The following TCHP variants were observed in gnomAD, a reference collection of about 807,000 sequenced individuals.
TCHP encodes the protein trichoplein keratin filament-binding protein.
Under a neutral mutation model 88.7 loss-of-function variants are expected in TCHP, and 81 were observed. The observed-to-expected ratio is 0.91, with a 90% CI of 0.76 to 1.10. The LOEUF is 1.10. Among genes scored for constraint, TCHP ranks in the 50% least tolerant of loss-of-function variants. The pLI, the probability that TCHP is intolerant of heterozygous loss-of-function variation, is 0.00. For synonymous variants in TCHP, 232 were observed against 232.5 expected, an observed-to-expected ratio of 1.00 and a Z score of 0.02; for missense variants, 641 against 632.1, an observed-to-expected ratio of 1.01 and a Z score of -0.15.
In TCHP at chr12:109,916,831, C is replaced by G. The variant is rs1045802; in HGVS notation, c.*208C>G. 3 of 567,298 alleles carry G rather than the reference C, an allele frequency of 5.3e-6. No individual in the cohort carries two copies. The highest frequency in any genetic ancestry group is 9.3e-6 in the Non-Finnish European group (3 of 321,794). The allele number at this position is 567,298 out of a possible 1,614,324, so 35.1% of individuals were successfully genotyped here. Reference sequence around the variant, plus strand: ...AGAGTCCCTTTCATGCCTTTCTTACCCAAGCAAGGGTCTTTGATGGGCACG... The same window carrying G: ...AGAGTCCCTTTCATGCCTTTCTTACGCAAGCAAGGGTCTTTGATGGGCACG... On this transcript the variant is annotated 3_prime_UTR_variant, in exon 13 of 13. Transcript: ENST00000405876.
At chr12:109,896,943 T>TAG (rs1164679337), upstream of TCHP, among the ~76,000 whole-genome samples, 20 of 151,966 alleles carry the variant, frequency 1.3e-4, no homozygotes, top group East Asian at 3.9e-4. Flanking sequence ...TAGATATAGA[T>TAG]ATATAGATAG....
At chr12:109,904,188 T>C in intron 3 of TCHP, 41 bp downstream of exon 3, 1 of 1,529,964 alleles carries the variant, frequency 6.5e-7, no homozygotes, top group South Asian at 1.2e-5. Context: ...GGAGCAGGAG[T>C]GTTCCCAGCC....
chr12:109,906,450 G>C, intron 4 of TCHP, 122 bp from the exon 5 acceptor site: 2 of 784,480 alleles, frequency 2.5e-6, no homozygotes, highest in South Asian at 3.2e-5. Context: ...GTGCCACTGA[G>C]TCCCCATGAA....
At chr12:109,902,762 C>G (rs546611984) in intron 1 of TCHP, among the ~76,000 whole-genome samples, 1 of 152,186 alleles carries the variant, frequency 6.6e-6, no homozygotes, top group Non-Finnish European at 1.5e-5. Flanking sequence ...GCGTGAGCCA[C>G]GGCAAATTTA....
At chr12:109,881,093 G>A in the TCHP span, among the ~76,000 whole-genome samples, 1 of 152,210 alleles carries the variant, frequency 6.6e-6, no homozygotes, top group Non-Finnish European at 1.5e-5. Context: ...GGTCCAGTCT[G>A]CCCTCAACAG....
intron 1 of TCHP, among the ~76,000 whole-genome samples, chr12:109,901,554 G>A (rs536831306): frequency 4.2e-4 from 64 of 152,280 alleles, no homozygotes; most frequent in African/African-American, 1.5e-3. Context: ...AACAAGCAAT[G>A]TACGAAGTTC....
chr12:109,886,073 C>T, the TCHP span, among the ~76,000 whole-genome samples: 4 of 152,242 alleles, frequency 2.6e-5, no homozygotes, highest in African/African-American at 4.8e-5. Context: ...ACTCATAAAA[C>T]CTTCCATTTA....
At chr12:109,892,810 C>G in the TCHP span, among the ~76,000 whole-genome samples, 1 of 152,176 alleles carries the variant, frequency 6.6e-6, no homozygotes, top group African/African-American at 2.4e-5. Context: ...AACTCATACT[C>G]CTAGAGACAC....
the TCHP span, among the ~76,000 whole-genome samples, chr12:109,883,932 C>G: frequency 6.6e-6 from 1 of 152,280 alleles, no homozygotes; most frequent in Admixed American, 6.5e-5. Flanking sequence ...TAGCTTGTGA[C>G]AGGGGCCAGG....
chr12:109,897,478 T>G (rs2086869236), upstream of TCHP, among the ~76,000 whole-genome samples: 1 of 150,060 alleles, frequency 6.7e-6, no homozygotes, highest in Admixed American at 6.6e-5. Flanking sequence ...GGAAAGGCCT[T>G]GCCCAAGAGG....
chr12:109,894,482 A>C, the TCHP span, among the ~76,000 whole-genome samples: 17 of 149,130 alleles, frequency 1.1e-4, no homozygotes, highest in African/African-American at 3.7e-4. Flanking sequence ...AAAGAAAAAA[A>C]AGGCCGGGTG....
the TCHP span, among the ~76,000 whole-genome samples, chr12:109,893,217 T>C: frequency 6.6e-6 from 1 of 151,928 alleles, no homozygotes; most frequent in Non-Finnish European, 1.5e-5. Flanking sequence ...TGGTCTCTAC[T>C]AAAAATACAA....
chr12:109,904,883 G>T (rs976729841), intron 4 of TCHP, 90 bp downstream of exon 4: 2 of 1,246,612 alleles, frequency 1.6e-6, no homozygotes, highest in Non-Finnish European at 2.3e-6. Context: ...CTTGTACCGG[G>T]TTGAAACAGA....
intron 4 of TCHP, 118 bp from the exon 5 acceptor site, chr12:109,906,454 C>A: frequency 3.6e-6 from 3 of 835,432 alleles, no homozygotes; most frequent in Non-Finnish European, 3.9e-6. Context: ...CACTGAGTCC[C>A]CATGAAGCGA....
At chr12:109,890,134 G>A in the TCHP span, among the ~76,000 whole-genome samples, 1 of 152,200 alleles carries the variant, frequency 6.6e-6, no homozygotes, top group Admixed American at 6.5e-5. Flanking sequence ...GGCAGCCTCA[G>A]GGGCTGAGAG....
chr12:109,890,922 C>G, the TCHP span, among the ~76,000 whole-genome samples: 2 of 152,236 alleles, frequency 1.3e-5, no homozygotes, highest in Non-Finnish European at 2.9e-5. Context: ...AGCTCACAGA[C>G]TGGTGGTGTT....
chr12:109,887,408 TCAAAAAAAAAAAAA>T, the TCHP span, among the ~76,000 whole-genome samples: 1 of 116,392 alleles, frequency 8.6e-6, no homozygotes, highest in African/African-American at 4.2e-5. Flanking sequence ...AGGCTCTGTC[TCAAAAAAAAAAAAA>T]CAAAAAAAAA....
intron 11 of TCHP, 53 bp downstream of exon 11, chr12:109,914,680 C>T: frequency 6.7e-7 from 1 of 1,490,658 alleles, no homozygotes; most frequent in Non-Finnish European, 9.2e-7. Context: ...TTCTCTGCAT[C>T]ATCATGGGAC....
rs949376270 is a variant in TCHP at position 109,903,860 on chromosome 12, T to A, written c.189-77T>A. The A allele has an allele frequency of 4.0e-6, 5 of 1,253,628 alleles. No homozygotes were observed. The highest frequency in any genetic ancestry group is 3.9e-5 in the South Asian group (3 of 77,322). The allele number at this position is 1,253,628 out of a possible 1,614,324, so 77.7% of individuals were successfully genotyped here. ...TCATGACACATCTACCTCAGCCTCTTTTACCGACACAGCAGAGCAGAGCAC... is the reference window on the plus strand; with the variant it reads ...TCATGACACATCTACCTCAGCCTCTATTACCGACACAGCAGAGCAGAGCAC... On this transcript the variant is annotated intron_variant, in intron 2 of 12. Coordinates refer to ENST00000405876, the MANE Select transcript of TCHP (RefSeq NM_001143852.2). The surrounding 1 kb of genome is among the most constrained non-coding windows in gnomAD (Gnocchi z 4.6).
Sources: gnomAD v4.1 joint callset for allele counts (sites outside exome capture counted in the v4.1 genomes callset) on GRCh38, gnomAD v4.1.1 for gene constraint, Gnocchi (gnomAD v3.1) non-coding constraint, MANE v1.5 for transcripts, NCBI Gene and HGNC (gene_info 2026-07-23, HGNC 2026-07-21) for gene names.